NCMAP: variants seen among roughly 807,000 people sequenced by gnomAD.
The protein encoded by NCMAP is noncompact myelin-associated protein.
NCMAP carries 8 observed loss-of-function variants against 7.8 expected under a neutral mutation model. That is an observed-to-expected ratio of 1.02 (90% CI 0.60 to 1.84). NCMAP has a LOEUF of 1.84. Ranked by LOEUF, NCMAP falls within the 40% of genes most tolerant of loss-of-function variation. The probability of loss-of-function intolerance (pLI) is 0.00; values close to 1 mark genes in which losing one functional copy is unlikely to be tolerated. For synonymous variants in NCMAP, 41 were observed against 52.9 expected, an observed-to-expected ratio of 0.78 and a Z score of 0.98; for missense variants, 112 against 131.4, an observed-to-expected ratio of 0.85 and a Z score of 0.72.
intron 1 of NCMAP, among the ~76,000 whole-genome samples, chr1:24,568,496 A>G (rs533914279): frequency 4.6e-5 from 7 of 152,198 alleles, no homozygotes; most frequent in African/African-American, 1.7e-4. Flanking sequence ...AGATCTTCCT[A>G]GAGGTGGAGG....
intron 1 of NCMAP, among the ~76,000 whole-genome samples, chr1:24,572,280 A>G (rs1449100707): frequency 1.3e-5 from 2 of 150,614 alleles, no homozygotes; most frequent in Non-Finnish European, 2.9e-5. Context: ...CTGGGATATG[A>G]CTTGGAGGTA....
chr1:24,574,383 T>C (rs536397391), intron 1 of NCMAP, among the ~76,000 whole-genome samples: 3,005 of 149,300 alleles, frequency 0.02, 189 homozygotes, highest in African/African-American at 0.074. Context: ...CCTCGCAAAG[T>C]GCTGGGATTA....
intron 1 of NCMAP, among the ~76,000 whole-genome samples, chr1:24,586,577 A>T (rs1429376417): frequency 6.6e-6 from 1 of 152,178 alleles, no homozygotes; most frequent in East Asian, 1.9e-4. Flanking sequence ...TCTGGCCAAG[A>T]TGGTGAAACC....
chr1:24,570,973 A>G (rs1043638231), intron 1 of NCMAP, among the ~76,000 whole-genome samples: 11 of 150,830 alleles, frequency 7.3e-5, no homozygotes, highest in Non-Finnish European at 1.0e-4. Context: ...TGCTATGCCC[A>G]CCACTGGGCA....
At chr1:24,593,856 G>A (rs1652126025) in intron 1 of NCMAP, among the ~76,000 whole-genome samples, 1 of 137,654 alleles carries the variant, frequency 7.3e-6, no homozygotes, top group Non-Finnish European at 1.6e-5. Flanking sequence ...AGTTCAGAGC[G>A]ATTATTTATT....
chr1:24,586,673 A>G (rs1339891552), intron 1 of NCMAP, among the ~76,000 whole-genome samples: 2 of 151,886 alleles, frequency 1.3e-5, no homozygotes, highest in African/African-American at 4.8e-5. Flanking sequence ...GAGGCAGAAG[A>G]ATCACTTGAA....
At chr1:24,569,283 C>CGCGCCCGGCCAACGGGACTGAG (rs1557593840) in intron 1 of NCMAP, among the ~76,000 whole-genome samples, 34 of 151,266 alleles carry the variant, frequency 2.2e-4, no homozygotes, top group African/African-American at 7.9e-4. Flanking sequence ...CATGAGCCAC[C>CGCGCCCGGCCAACGGGACTGAG]ATGTCCAGTC....
intron 1 of NCMAP, among the ~76,000 whole-genome samples, chr1:24,580,921 G>A (rs1651723152): frequency 6.6e-6 from 1 of 152,184 alleles, no homozygotes; most frequent in Non-Finnish European, 1.5e-5. Context: ...GTCATACTCA[G>A]CCGTCGGCTT....
chr1:24,578,245 CAAAA>C (rs35145959), intron 1 of NCMAP, among the ~76,000 whole-genome samples: 2 of 116,304 alleles, frequency 1.7e-5, no homozygotes, highest in African/African-American at 3.2e-5. Flanking sequence ...GACACTGTCT[CAAAA>C]AAAAAAAAAA....
intron 2 of NCMAP, among the ~76,000 whole-genome samples, chr1:24,597,689 A>G (rs140012690): frequency 0.026 from 2,787 of 106,802 alleles, 70 homozygotes; most frequent in Middle Eastern, 0.037. Flanking sequence ...AAAGAAAGAA[A>G]GAAAGAGAAA....
At chr1:24,557,062 G>A (rs907135385) in intron 1 of NCMAP, among the ~76,000 whole-genome samples, 11 of 152,162 alleles carry the variant, frequency 7.2e-5, no homozygotes, top group African/African-American at 2.7e-4. Context: ...TACAGGGTGG[G>A]TATATAGTAG....
intron 1 of NCMAP, among the ~76,000 whole-genome samples, chr1:24,573,718 T>A (rs1403789493): frequency 6.7e-6 from 1 of 150,338 alleles, no homozygotes; most frequent in Non-Finnish European, 1.5e-5. Context: ...CAGGAGGCTC[T>A]CTTGAGCCCA....
At chr1:24,585,417 C>A (rs112082208) in intron 1 of NCMAP, among the ~76,000 whole-genome samples, 41 of 152,292 alleles carry the variant, frequency 2.7e-4, no homozygotes, top group African/African-American at 9.6e-4. Flanking sequence ...CGCTGCTTTC[C>A]AGAGTGATGT....
intron 2 of NCMAP, among the ~76,000 whole-genome samples, chr1:24,595,983 T>A (rs1652212439): frequency 6.6e-6 from 1 of 152,102 alleles, no homozygotes; most frequent in Admixed American, 6.6e-5. Context: ...ATGATGATGA[T>A]TATTTTTATT....
chr1:24,570,377 T>C (rs72654606), intron 1 of NCMAP, among the ~76,000 whole-genome samples: 18,727 of 150,672 alleles, frequency 0.12, 2,117 homozygotes, highest in African/African-American at 0.23. Context: ...CACCTATAGT[T>C]CCAGCTGCTT....
chr1:24,572,740 C>G (rs1240161789), intron 1 of NCMAP, among the ~76,000 whole-genome samples: 2 of 150,670 alleles, frequency 1.3e-5, no homozygotes, highest in African/African-American at 5.0e-5. Context: ...TTTCCTGGAC[C>G]CCCAGCTCAC....
intron 1 of NCMAP, among the ~76,000 whole-genome samples, chr1:24,569,865 T>A (rs1441789202): frequency 6.6e-6 from 1 of 150,774 alleles, no homozygotes; most frequent in African/African-American, 2.5e-5. Flanking sequence ...GACTCTGAAG[T>A]CAGATTCTTT....
chr1:24,559,509 G>A (rs994021207), intron 1 of NCMAP, among the ~76,000 whole-genome samples: 2 of 152,218 alleles, frequency 1.3e-5, no homozygotes, highest in African/African-American at 2.4e-5. Context: ...GCTGGCTAGT[G>A]GGGCTGGACC....
chr1:24,592,987 C>A (rs1652093574), intron 1 of NCMAP, among the ~76,000 whole-genome samples: 2 of 151,758 alleles, frequency 1.3e-5, no homozygotes, highest in South Asian at 4.2e-4. Context: ...TGAGACTAGC[C>A]TTGGCCAACG....
Sources: gnomAD v4.1 joint callset for allele counts (sites outside exome capture counted in the v4.1 genomes callset) on GRCh38, gnomAD v4.1.1 for gene constraint, MANE v1.5 for transcripts, NCBI Gene and HGNC (gene_info 2026-07-23, HGNC 2026-07-21) for gene names.